Variants in EML6 observed in about 807,000 individuals in gnomAD.
EML6 encodes the protein echinoderm microtubule-associated protein-like 6.
Under a neutral mutation model 240.1 loss-of-function variants are expected in EML6, and 154 were observed. The observed-to-expected ratio is 0.64, with a 90% CI of 0.56 to 0.73. EML6 has a LOEUF of 0.73. Ranked by LOEUF, EML6 falls within the 30% of genes least tolerant of loss-of-function variation. The probability of loss-of-function intolerance (pLI) is 0.00; values close to 1 mark genes in which losing one functional copy is unlikely to be tolerated. For synonymous variants in EML6, 1,148 were observed against 899.0 expected (o/e 1.28, Z -4.95); for missense variants, 2,964 against 2,474.6 (o/e 1.20, Z -4.20).
chr2:54,904,406 G>A (rs1673210011), intron 24 of EML6, among the ~76,000 whole-genome samples: 1 of 152,188 alleles, frequency 6.6e-6, no homozygotes, highest in Non-Finnish European at 1.5e-5. Context: ...GTAGTCCACT[G>A]TGGTAGAGAA....
At position 54,916,945 on chromosome 2, in the gene EML6, C is replaced by A. The variant is rs1206775695; in HGVS notation, c.3675+10C>A. Reference sequence around the variant, plus strand: ...TTCATATCCTGTCAAGGTAATATTGCGTGTTTATTATCTTTACTTGCTCAG... The same window carrying A: ...TTCATATCCTGTCAAGGTAATATTGAGTGTTTATTATCTTTACTTGCTCAG... On this transcript the variant is annotated intron_variant, in intron 26 of 41. Transcript: ENST00000356458. 3 of 1,516,392 alleles carry A rather than the reference C, an allele frequency of 2.0e-6. No individual in the cohort carries two copies. Among genetic ancestry groups the A allele is most frequent in the African/African-American group, 2.8e-5 (2 of 72,444 alleles). The allele number at this position is 1,516,392 out of a possible 1,614,324, so 93.9% of individuals were successfully genotyped here.
At chr2:54,748,690 G>A (rs1372211055) in intron 2 of EML6, among the ~76,000 whole-genome samples, 1 of 152,138 alleles carries the variant, frequency 6.6e-6, no homozygotes, top group African/African-American at 2.4e-5. Flanking sequence ...CTCCTGAGTA[G>A]CTGGGACTAC....
chr2:54,930,361 G>A (rs947921546), intron 28 of EML6, among the ~76,000 whole-genome samples: 10 of 152,062 alleles, frequency 6.6e-5, no homozygotes, highest in Admixed American at 2.6e-4. Context: ...TCAACATTTC[G>A]TACTGCCAAA....
At chr2:54,927,972 G>T (rs985594452) in intron 26 of EML6, among the ~76,000 whole-genome samples, 2 of 152,222 alleles carry the variant, frequency 1.3e-5, no homozygotes, top group African/African-American at 2.4e-5. Flanking sequence ...CAGACTCACA[G>T]TCAGGAGTTT....
chr2:54,866,604 T>C (rs1052703989), intron 13 of EML6, among the ~76,000 whole-genome samples, 162 bp from the exon 14 acceptor site: 3 of 152,214 alleles, frequency 2.0e-5, no homozygotes, highest in African/African-American at 2.4e-5. Context: ...ATAGTTCATA[T>C]TAGTTTTATT....
At chr2:54,921,626 A>G (rs1336399094) in intron 26 of EML6, among the ~76,000 whole-genome samples, 3 of 152,158 alleles carry the variant, frequency 2.0e-5, no homozygotes, top group African/African-American at 7.2e-5. Context: ...AGCCAAAGCA[A>G]TCCCAAGAAA....
intron 28 of EML6, among the ~76,000 whole-genome samples, chr2:54,940,805 C>G (rs927950721): frequency 6.6e-6 from 1 of 152,170 alleles, no homozygotes; most frequent in Non-Finnish European, 1.5e-5. Context: ...ACTTTTTGAT[C>G]TTTGTAGTAT....
At position 54,932,744 on chromosome 2, in the gene EML6, C is replaced by T. The variant is rs560522654; in HGVS notation, c.4004+3993C>T. Among the ~76,000 whole-genome samples, 6 of 152,290 alleles carry T rather than the reference C, an allele frequency of 3.9e-5. No homozygotes were observed. In the East Asian group the frequency reaches 1.2e-3, roughly 29 times the overall value. ...ATGGTGCCCAAATCCTGTATTCAGA[C>T]TTCGGTAAAAACAGTTTTCCCCAAT... On this transcript the variant is annotated intron_variant, in intron 28 of 41. Transcript: ENST00000356458.
intron 2 of EML6, among the ~76,000 whole-genome samples, chr2:54,802,380 C>G (rs530695734): frequency 7.0e-4 from 107 of 152,146 alleles, no homozygotes; most frequent in Non-Finnish European, 1.3e-3. Context: ...AAGCCCAGCA[C>G]TTTGGGAGGC....
At position 54,885,194 on chromosome 2, in the gene EML6, C is replaced by G. The variant is rs1001940727; in HGVS notation, c.2438+5554C>G. Among the ~76,000 whole-genome samples, 3 of 152,092 alleles carry G rather than the reference C, an allele frequency of 2.0e-5. No homozygotes were observed. In the East Asian group the frequency reaches 5.8e-4, roughly 29 times the overall value. On this transcript the variant is annotated intron_variant, in intron 17 of 41. Coordinates refer to ENST00000356458, the MANE Select transcript of EML6 (RefSeq NM_001039753.4). ...GCACGGTGGCTCACGCCTGTAATCC[C>G]AGCACTTTGGGAGGTTGAGGCGGGC...
intron 25 of EML6, among the ~76,000 whole-genome samples, chr2:54,912,387 T>C (rs1241360560): frequency 6.6e-6 from 1 of 152,230 alleles, no homozygotes; most frequent in Non-Finnish European, 1.5e-5. Flanking sequence ...TGCCAGATAC[T>C]TTATACACCT....
chr2:54,752,990 T>C (rs1336686136), intron 2 of EML6, among the ~76,000 whole-genome samples: 1 of 152,182 alleles, frequency 6.6e-6, no homozygotes, highest in Non-Finnish European at 1.5e-5. Flanking sequence ...GGTTTCACCA[T>C]GTTGGCCAGG....
intron 21 of EML6, among the ~76,000 whole-genome samples, chr2:54,898,511 C>T (rs1410384526): frequency 6.6e-6 from 1 of 152,086 alleles, no homozygotes; most frequent in Non-Finnish European, 1.5e-5. Flanking sequence ...GTCCTCAAAT[C>T]CAATAAATTC....
intron 9 of EML6, among the ~76,000 whole-genome samples, chr2:54,849,143 A>G (rs1669931273): frequency 6.6e-6 from 1 of 152,250 alleles, no homozygotes; most frequent in Non-Finnish European, 1.5e-5. Context: ...AAAATTTTAA[A>G]AATCGATACA....
intron 28 of EML6, among the ~76,000 whole-genome samples, chr2:54,945,672 C>T (rs1241027844): frequency 1.3e-5 from 2 of 152,220 alleles, no homozygotes; most frequent in Non-Finnish European, 2.9e-5. Flanking sequence ...TTACACATTT[C>T]AGGTCATTGT....
rs368801577 is a variant in EML6, at chr2:54,783,410, CA to C, written c.198-29819del. Reference sequence around the variant, plus strand: ...GTTTCAAATAACATTCAGAACATCACAAATTGTTTTCTGTAATACCATTAGG... The same window carrying C: ...GTTTCAAATAACATTCAGAACATCACAATTGTTTTCTGTAATACCATTAGG... On this transcript the variant is annotated intron_variant, in intron 2 of 41. Transcript: ENST00000356458. Among the ~76,000 whole-genome samples the C allele has an allele frequency of 4.2e-4, 64 of 152,304 alleles. No homozygotes were observed. The East Asian group carries it at 0.012, about 28-fold the overall frequency.
chr2:54,862,753 A>G (rs886459845), intron 12 of EML6, among the ~76,000 whole-genome samples: 39 of 152,214 alleles, frequency 2.6e-4, no homozygotes, highest in African/African-American at 9.4e-4. Context: ...AGAGCATTAT[A>G]AGTAGTCAGG....
intron 32 of EML6, 61 bp from the exon 33 acceptor site, chr2:54,957,729 G>C (rs1177440404): frequency 1.8e-5 from 27 of 1,488,218 alleles, no homozygotes; most frequent in African/African-American, 2.8e-5. Flanking sequence ...CTGGGCTGCG[G>C]CTCCCCCGGC....
intron 2 of EML6, among the ~76,000 whole-genome samples, chr2:54,733,424 G>C (rs1683255481): frequency 6.6e-6 from 1 of 152,200 alleles, no homozygotes; most frequent in Admixed American, 6.5e-5. Flanking sequence ...AAGAAGTACA[G>C]TTGAGAAGAT....
Sources: gnomAD v4.1 joint callset for allele counts (sites outside exome capture counted in the v4.1 genomes callset) on GRCh38, gnomAD v4.1.1 for gene constraint, MANE v1.5 for transcripts, NCBI Gene and HGNC (gene_info 2026-07-23, HGNC 2026-07-21) for gene names.